Variants in MAGI3 observed in about 807,000 individuals in gnomAD.
MAGI3 encodes the protein membrane associated guanylate kinase, WW and PDZ domain containing 3.
MAGI3 carries 43 observed loss-of-function variants against 121.8 expected under a neutral mutation model. The ratio of observed to expected loss-of-function variants is 0.35; its 90% CI spans 0.28 to 0.46. The LOEUF is 0.46. MAGI3 is among the 20% of genes least tolerant of loss of function. The probability of loss-of-function intolerance (pLI) is 1.00; values close to 1 mark genes in which losing one functional copy is unlikely to be tolerated. For synonymous variants in MAGI3, 553 were observed against 639.3 expected (o/e 0.86, Z 2.04); for missense variants, 1,547 against 1,797.3 (o/e 0.86, Z 2.52).
intron 2 of MAGI3, among the ~76,000 whole-genome samples, chr1:113,569,179 T>C (rs1412540375): frequency 1.3e-5 from 2 of 152,130 alleles, no homozygotes; most frequent in African/African-American, 4.8e-5. Context: ...GTAAATAAAA[T>C]AAAAGAACAC....
intron 2 of MAGI3, among the ~76,000 whole-genome samples, chr1:113,563,426 A>G (rs1339441527): frequency 6.6e-6 from 1 of 152,210 alleles, no homozygotes; most frequent in Non-Finnish European, 1.5e-5. Flanking sequence ...GAGAAAGAAG[A>G]GAGTTCTTTT....
intron 1 of MAGI3, among the ~76,000 whole-genome samples, chr1:113,467,951 A>G (rs889418566): frequency 2.0e-4 from 30 of 152,350 alleles, no homozygotes; most frequent in African/African-American, 6.0e-4. Flanking sequence ...TCCTCTTGCT[A>G]AAATGACCTT....
chr1:113,565,858 T>C (rs1384639477), intron 2 of MAGI3, among the ~76,000 whole-genome samples: 2 of 152,256 alleles, frequency 1.3e-5, no homozygotes, highest in African/African-American at 4.8e-5. Context: ...CTCTCCCACA[T>C]GCTTCTGTCC....
Position 113,482,602 on chromosome 1 carries a change from G to A in MAGI3, c.317-66913G>A, listed in dbSNP as rs1290548654. Among the ~76,000 whole-genome samples the A allele has an allele frequency of 2.0e-5, 3 of 148,228 alleles. No homozygotes were observed. In the East Asian group the frequency reaches 5.9e-4, roughly 29 times the overall value. On this transcript the variant is annotated intron_variant, in intron 1 of 20. Coordinates refer to ENST00000307546, the MANE Select transcript of MAGI3 (RefSeq NM_001142782.2). ...TCCTCTTGCCTCAGCCTTCCAAAGT[G>A]CTGGGCTTGAAAGTGTGAGCCACTG...
At chr1:113,647,139 T>C (rs767696336) in intron 12 of MAGI3, among the ~76,000 whole-genome samples, 1 of 152,132 alleles carries the variant, frequency 6.6e-6, no homozygotes, top group Non-Finnish European at 1.5e-5. Flanking sequence ...AAAGTGTCTT[T>C]GAGGAAGATA....
At chr1:113,590,386 T>G in intron 4 of MAGI3, 98 bp from the exon 5 acceptor site, 2 of 1,160,568 alleles carry the variant, frequency 1.7e-6, no homozygotes, top group Non-Finnish European at 2.4e-6. Context: ...ATTTGCCATA[T>G]TTATGTATTT....
chr1:113,536,711 C>T (rs542416513), intron 1 of MAGI3, among the ~76,000 whole-genome samples: 5 of 151,912 alleles, frequency 3.3e-5, no homozygotes, highest in African/African-American at 1.2e-4. Flanking sequence ...CCAGAGAGTA[C>T]TTTGTGATTT....
chr1:113,496,021 CTAA>C (rs1161430086), intron 1 of MAGI3, among the ~76,000 whole-genome samples: 1 of 152,162 alleles, frequency 6.6e-6, no homozygotes, highest in East Asian at 1.9e-4. Context: ...ATAAACCTGA[CTAA>C]TGATTTTGAA....
chr1:113,513,558 A>G (rs961930112), intron 1 of MAGI3, among the ~76,000 whole-genome samples: 2 of 152,142 alleles, frequency 1.3e-5, no homozygotes, highest in Non-Finnish European at 2.9e-5. Flanking sequence ...TGGTGTTGGG[A>G]AAACTGGCTA....
chr1:113,549,583 A>C lies in MAGI3; in HGVS notation c.385A>C (p.Lys129Gln). 6.2e-7 allele frequency: 1 copy of C among 1,610,492 alleles called. No homozygotes were observed. Among genetic ancestry groups the C allele is most frequent in the South Asian group, 1.1e-5 (1 of 90,296 alleles). ...LQFQKGSIDH[K>Q]LQQVIRDNLY... is the part of the protein sequence containing the mutation. Reference sequence around the variant, plus strand: ...GTTTCAAAAAGGATCAATTGACCACAAACTGCAGCAAGTGATCAGAGATAA... The same window carrying C: ...GTTTCAAAAAGGATCAATTGACCACCAACTGCAGCAAGTGATCAGAGATAA... Residue 129 changes from lysine to glutamine, a missense_variant, in exon 2 of 21, where the codon AAA (lysine) becomes CAA (glutamine). Physicochemically the swap from Lys to Gln is moderately conservative, Grantham distance 53 (BLOSUM62 1). Transcript: ENST00000307546.
intron 9 of MAGI3, among the ~76,000 whole-genome samples, chr1:113,635,834 C>T (rs1275703862): frequency 6.6e-6 from 1 of 151,362 alleles, no homozygotes; most frequent in African/African-American, 2.4e-5. Context: ...TGGTAGAATT[C>T]GGCTGTGAAT....
intron 9 of MAGI3, among the ~76,000 whole-genome samples, chr1:113,628,964 G>T (rs1651421085): frequency 1.3e-5 from 2 of 152,114 alleles, no homozygotes; most frequent in Non-Finnish European, 2.9e-5. Flanking sequence ...CTTTCTCTAG[G>T]TTTGGGAAGT....
intron 2 of MAGI3, among the ~76,000 whole-genome samples, chr1:113,566,089 G>A (rs6704188): frequency 0.3 from 45,409 of 151,994 alleles, 7,475 homozygotes; most frequent in East Asian, 0.65. Context: ...AACTCCAGAA[G>A]GAATTCCTAC....
At chr1:113,416,331 T>TTAATTATGTA (rs1557744636) in intron 1 of MAGI3, among the ~76,000 whole-genome samples, 9 of 73,546 alleles carry the variant, frequency 1.2e-4, no homozygotes, top group South Asian at 4.6e-4. Context: ...ATTAATTATA[T>TTAATTATGTA]ATCAATCATA....
chr1:113,551,406 C>G (rs777063761), intron 2 of MAGI3, among the ~76,000 whole-genome samples: 8 of 152,196 alleles, frequency 5.3e-5, no homozygotes, highest in Non-Finnish European at 8.8e-5. Context: ...AAGTGGACAT[C>G]TGATTCTTGT....
intron 6 of MAGI3, among the ~76,000 whole-genome samples, chr1:113,602,969 C>CATAT (rs200872576): frequency 6.6e-6 from 1 of 150,538 alleles, no homozygotes; most frequent in Admixed American, 6.6e-5. Flanking sequence ...TATGTATACA[C>CATAT]ATATATATAT....
intron 1 of MAGI3, among the ~76,000 whole-genome samples, chr1:113,530,407 A>G (rs1161398428): frequency 6.6e-6 from 1 of 152,002 alleles, no homozygotes; most frequent in Admixed American, 6.6e-5. Context: ...ACAAGAATAC[A>G]TGGACACAAA....
intron 1 of MAGI3, among the ~76,000 whole-genome samples, chr1:113,396,946 G>A (rs933246754): frequency 1.3e-5 from 2 of 152,118 alleles, no homozygotes; most frequent in African/African-American, 4.8e-5. Context: ...TGCATAGTGT[G>A]CTATTCGAAA....
intron 1 of MAGI3, chr1:113,450,112 ACAGG>A (rs1654400521): frequency 2.1e-6 from 3 of 1,450,384 alleles, no homozygotes; most frequent in Admixed American, 1.7e-5. Context: ...GTTACGGAAG[ACAGG>A]CAGAGTGGGA....
Sources: allele counts gnomAD v4.1 joint callset (sites outside exome capture counted in the v4.1 genomes callset), GRCh38; gene constraint gnomAD v4.1.1; transcripts MANE v1.5; gene names NCBI Gene and HGNC (gene_info 2026-07-23, HGNC 2026-07-21).